KIF13B: variants seen among roughly 807,000 people sequenced by gnomAD.
The protein encoded by KIF13B is kinesin-like protein KIF13B.
KIF13B carries 127 observed loss-of-function variants against 222.0 expected under a neutral mutation model. The observed-to-expected ratio is 0.57, with a 90% CI of 0.50 to 0.66. The LOEUF (loss-of-function observed/expected upper bound fraction) is 0.66. KIF13B is among the 30% of genes least tolerant of loss of function. The pLI is 0.00. For synonymous variants in KIF13B, 976 were observed against 919.0 expected, an observed-to-expected ratio of 1.06 and a Z score of -1.12; for missense variants, 2,173 against 2,379.0, an observed-to-expected ratio of 0.91 and a Z score of 1.80.
intron 2 of KIF13B, among the ~76,000 whole-genome samples, chr8:29,198,570 G>A (rs952293087): frequency 2.6e-5 from 4 of 152,254 alleles, no homozygotes; most frequent in East Asian, 1.9e-4. Context: ...TGATCCGCCC[G>A]CCTCGGCCTC....
intron 35 of KIF13B, among the ~76,000 whole-genome samples, chr8:29,106,995 T>C (rs1234539462): frequency 6.6e-6 from 1 of 152,134 alleles, no homozygotes; most frequent in Non-Finnish European, 1.5e-5. Flanking sequence ...CAAACTACGA[T>C]GTGTGGTGCC....
At position 29,130,642 on chromosome 8, in the gene KIF13B, A is replaced by T; in HGVS notation, c.2966T>A (p.Leu989Ter). 6.2e-7 allele frequency: 1 copy of T among 1,613,862 alleles called. No individual in the cohort carries two copies. The highest frequency in any genetic ancestry group is 8.5e-7 in the Non-Finnish European group (1 of 1,179,804). ...TTCCAAGATTTGAACCCAGAATTCC[A>T]ATTTCCTGGTCACTTCACTCCATCT... ...RDRWSEVTRK[L>*]EFWVQILEQN... is the part of the protein sequence containing the mutation. Residue 989 changes from leucine to a stop codon, truncating the protein, a stop_gained, in exon 24 of 40, where the codon TTG becomes TAG. Coordinates refer to ENST00000524189, the MANE Select transcript of KIF13B (RefSeq NM_015254.4). LOFTEE classifies it high-confidence loss of function.
intron 38 of KIF13B, among the ~76,000 whole-genome samples, chr8:29,074,218 A>G (rs1807449619): frequency 6.6e-6 from 1 of 152,198 alleles, no homozygotes; most frequent in Non-Finnish European, 1.5e-5. Flanking sequence ...TCCATGTAAG[A>G]CACTGGCTTG....
At chr8:29,186,523 C>T (rs903699701) in intron 5 of KIF13B, 51 bp from the exon 6 acceptor site, 2 of 1,455,678 alleles carry the variant, frequency 1.4e-6, no homozygotes, top group African/African-American at 1.4e-5. Context: ...ACGTTAAATA[C>T]ATAACCCTCT....
chr8:29,180,022 C>T, intron 8 of KIF13B, 82 bp downstream of exon 8: 1 of 1,493,020 alleles, frequency 6.7e-7, no homozygotes, highest in Non-Finnish European at 9.2e-7. Flanking sequence ...GACTTTAATT[C>T]ATCTAACACC....
intron 35 of KIF13B, among the ~76,000 whole-genome samples, chr8:29,101,013 A>G (rs1443288233): frequency 2.6e-5 from 4 of 152,150 alleles, no homozygotes; most frequent in Admixed American, 2.0e-4. Context: ...GATGGTCAGG[A>G]TTGATTAGGA....
chr8:29,180,801 C>G (rs1812680339), intron 7 of KIF13B, among the ~76,000 whole-genome samples: 1 of 151,418 alleles, frequency 6.6e-6, no homozygotes, highest in East Asian at 1.9e-4. Context: ...ATAGGAAGGT[C>G]AAGGGATTTT....
In KIF13B at chr8:29,186,472, C is replaced by A; in HGVS notation, c.317G>T (p.Gly106Val). The change falls in exon 6 of 40, where the codon GGC (glycine) becomes GTC (valine). Residue 106 changes from glycine to valine, a missense_variant and splice_region_variant. Physicochemically the swap from Gly to Val is moderately radical, Grantham distance 109 (BLOSUM62 -3). Coordinates refer to ENST00000524189, the MANE Select transcript of KIF13B (RefSeq NM_015254.4). ...NACIFAYGQT[G>V]SGKSYTMMGT... ...CATCATGGTATAAGATTTTCCAGAG[C>A]CTAAAAAAATGGAAATCAGAGTTAC... 6.3e-7 allele frequency: 1 copy of A among 1,595,072 alleles called. No individual in the cohort carries two copies. Among genetic ancestry groups the A allele is most frequent in the Admixed American group, 1.8e-5 (1 of 54,464 alleles).
At chr8:29,153,504 G>A (rs1181953436) in intron 14 of KIF13B, among the ~76,000 whole-genome samples, 2 of 48,276 alleles carry the variant, frequency 4.1e-5, no homozygotes, top group African/African-American at 1.4e-4. Context: ...TGGAAGGGCG[G>A]GAAATAATTA....
intron 29 of KIF13B, among the ~76,000 whole-genome samples, chr8:29,119,902 T>C (rs1241949099): frequency 6.6e-6 from 1 of 152,224 alleles, no homozygotes; most frequent in Non-Finnish European, 1.5e-5. Flanking sequence ...CCTCAGAGAC[T>C]GCATCTCGCT....
chr8:29,119,042 C>A (rs1480419321), intron 29 of KIF13B, 50 bp from the exon 30 acceptor site: 2 of 1,556,182 alleles, frequency 1.3e-6, no homozygotes, highest in African/African-American at 1.4e-5. Flanking sequence ...TCAAGGATAA[C>A]CCCTACCAGC....
intron 21 of KIF13B, among the ~76,000 whole-genome samples, chr8:29,136,742 G>A (rs1003454913): frequency 3.3e-5 from 5 of 151,190 alleles, no homozygotes; most frequent in Non-Finnish European, 7.4e-5. Flanking sequence ...CTCTACAGGG[G>A]TGAGACTTAC....
intron 37 of KIF13B, among the ~76,000 whole-genome samples, chr8:29,077,236 T>TC (rs1005232876): frequency 3.3e-5 from 5 of 151,976 alleles, no homozygotes; most frequent in African/African-American, 1.2e-4. Flanking sequence ...CAGAACAGTC[T>TC]CCCCTCTGCG....
intron 2 of KIF13B, among the ~76,000 whole-genome samples, chr8:29,210,950 T>C (rs1684685346): frequency 6.6e-6 from 1 of 152,164 alleles, no homozygotes; most frequent in Non-Finnish European, 1.5e-5. Flanking sequence ...GTTGTATGGT[T>C]TGTGTCCTTC....
chr8:29,101,886 G>A (rs1202313997), intron 35 of KIF13B, among the ~76,000 whole-genome samples: 22 of 152,002 alleles, frequency 1.4e-4, no homozygotes, highest in Admixed American at 1.4e-3. Context: ...GAATCTCTGC[G>A]GAAACACTCC....
chr8:29,254,555 C>T (rs7841454), intron 1 of KIF13B, among the ~76,000 whole-genome samples: 43,529 of 152,006 alleles, frequency 0.29, 7,940 homozygotes, highest in East Asian at 0.64. Flanking sequence ...CATGAAAAGA[C>T]GCTCAACATT....
chr8:29,171,442 G>A (rs923571909), intron 10 of KIF13B, among the ~76,000 whole-genome samples: 1 of 152,112 alleles, frequency 6.6e-6, no homozygotes, highest in African/African-American at 2.4e-5. Context: ...AAAAGACGCT[G>A]TGAAACTGAA....
At chr8:29,202,846 C>G (rs184228069) in intron 2 of KIF13B, among the ~76,000 whole-genome samples, 6 of 152,054 alleles carry the variant, frequency 3.9e-5, no homozygotes, top group Non-Finnish European at 7.4e-5. Context: ...TCCCCCAACT[C>G]AGCTACGTCA....
Position 29,072,305 on chromosome 8 carries a change from C to A in KIF13B, c.4533G>T (p.Glu1511Asp). The change falls in exon 39 of 40, where the codon GAG becomes GAT. Residue 1511 changes from glutamate (E) to aspartate (D), a missense_variant. Coordinates refer to ENST00000524189, the MANE Select transcript of KIF13B (RefSeq NM_015254.4). ...RVTRMEEAQP[E>D]MGPDVLVQTM... Reference sequence around the variant, plus strand: ...TCTGCACCAGCACGTCAGGGCCCATCTCCGGCTGAGCCTGCAGCAGGACGG... The same window carrying A: ...TCTGCACCAGCACGTCAGGGCCCATATCCGGCTGAGCCTGCAGCAGGACGG... The A allele has an allele frequency of 7.0e-7, 1 of 1,420,018 alleles. No individual in the cohort carries two copies. Among genetic ancestry groups the A allele is most frequent in the Non-Finnish European group, 9.2e-7 (1 of 1,083,944 alleles). The allele number at this position is 1,420,018 out of a possible 1,614,324, so 88.0% of individuals were successfully genotyped here.
Sources: allele counts gnomAD v4.1 joint callset (sites outside exome capture counted in the v4.1 genomes callset), GRCh38; gene constraint gnomAD v4.1.1; transcripts MANE v1.5; gene names NCBI Gene and HGNC (gene_info 2026-07-23, HGNC 2026-07-21).